Variants in FAM234A observed in about 807,000 individuals in gnomAD.
FAM234A encodes protein FAM234A.
In FAM234A, 42 loss-of-function variants were observed where a neutral mutation model predicts 49.1. That is an observed-to-expected ratio of 0.86 (90% confidence interval 0.67 to 1.11). The LOEUF (loss-of-function observed/expected upper bound fraction) is 1.11, where lower values mean the gene tolerates loss of function less well. Ranked by LOEUF, FAM234A falls within the 50% of genes least tolerant of loss-of-function variation. The pLI is 0.00. For missense variants in FAM234A, 815 were observed against 745.2 expected (o/e 1.09, Z -1.09); for synonymous variants, 369 against 316.2 (o/e 1.17, Z -1.77).
Position 245,088 on chromosome 16 carries a change from G to C in FAM234A, c.-139-4461G>C, listed in dbSNP as rs535826854. On this transcript the variant is annotated intron_variant, in intron 1 of 12. Coordinates refer to ENST00000399932, the MANE Select transcript of FAM234A (RefSeq NM_032039.4). Reference sequence around the variant, plus strand: ...TTTAAAATGCTTAACTTTTAGGCTGGGCGTGGCCCACACTTTGGGAGGCTG... The same window carrying C: ...TTTAAAATGCTTAACTTTTAGGCTGCGCGTGGCCCACACTTTGGGAGGCTG... Among the ~76,000 whole-genome samples the C allele has an allele frequency of 4.6e-5, 7 of 152,108 alleles. No homozygotes were observed. In the East Asian group the frequency reaches 1.4e-3, roughly 30 times the overall value.
intron 1 of FAM234A, among the ~76,000 whole-genome samples, chr16:235,875 C>G (rs553279052): frequency 6.6e-6 from 1 of 152,022 alleles, no homozygotes; most frequent in Non-Finnish European, 1.5e-5. Flanking sequence ...CTTGCTGGGC[C>G]GGCGCGGTGG....
intron 2 of FAM234A, among the ~76,000 whole-genome samples, chr16:252,536 G>A (rs531584929): frequency 3.9e-5 from 6 of 152,212 alleles, no homozygotes; most frequent in Admixed American, 3.9e-4. Flanking sequence ...ACTTGCTGGA[G>A]AGTATGGTAG....
intron 1 of FAM234A, among the ~76,000 whole-genome samples, chr16:237,844 C>A (rs1180038890): frequency 6.6e-6 from 1 of 151,320 alleles, no homozygotes; most frequent in South Asian, 2.1e-4. Context: ...GCTGGGACTA[C>A]AAGCACGTAC....
intron 1 of FAM234A, among the ~76,000 whole-genome samples, chr16:240,846 G>T (rs2050588426): frequency 6.6e-6 from 1 of 152,008 alleles, no homozygotes; most frequent in Non-Finnish European, 1.5e-5. Flanking sequence ...TTCAGTTTCT[G>T]TTTCTAACTG....
At chr16:241,064 C>T (rs553729539) in intron 1 of FAM234A, among the ~76,000 whole-genome samples, 1 of 152,100 alleles carries the variant, frequency 6.6e-6, no homozygotes, top group East Asian at 1.9e-4. Context: ...GGACTAGAGG[C>T]ACATACCACC....
chr16:242,524 G>A (rs191220570), intron 1 of FAM234A, among the ~76,000 whole-genome samples: 3 of 151,822 alleles, frequency 2.0e-5, no homozygotes, highest in Admixed American at 2.0e-4. Flanking sequence ...TGATAGTTCT[G>A]TAGGCCAGGG....
Position 238,542 on chromosome 16 carries a change from A to G in FAM234A, c.-140+3685A>G, listed in dbSNP as rs187651195. ...AGCCCTTTGGGAGGCCAAGGGGGGC[A>G]GATCATGAGGTCAGGAGATCGAGAC... On this transcript the variant is annotated intron_variant, in intron 1 of 12. Transcript: ENST00000399932. Among the ~76,000 whole-genome samples, 1,445 of 151,896 alleles carry G rather than the reference A, an allele frequency of 9.5e-3. 23 individuals are homozygous for G. The highest frequency in any genetic ancestry group is 0.032 in the African/African-American group (1,342 of 41,440).
At chr16:243,350 A>C (rs1473464263) in intron 1 of FAM234A, among the ~76,000 whole-genome samples, 1 of 149,572 alleles carries the variant, frequency 6.7e-6, no homozygotes, top group Non-Finnish European at 1.5e-5. Context: ...ACATGGCCTG[A>C]CTCTCTGTGG....
chr16:265,333 C>G lies in FAM234A; in HGVS notation c.*311C>G. 1.7e-6 allele frequency: 2 copies of G among 1,173,842 alleles called. No homozygotes were observed. The highest frequency in any genetic ancestry group is 2.1e-6 in the Non-Finnish European group (2 of 947,048). 72.7% of individuals were successfully genotyped at this position (1,173,842 alleles called of 1,614,324 possible). On this transcript the variant is annotated 3_prime_UTR_variant, in exon 13 of 13. Transcript: ENST00000399932. ...TAGTGGTCTCCCTGGCCACCTTGGG[C>G]AGAGCTGGGTCATGCAGCACCCCAT...
downstream of FAM234A, chr16:266,130 C>T (rs549529018): frequency 6.1e-5 from 59 of 967,786 alleles, no homozygotes; most frequent in Admixed American, 1.2e-4. Flanking sequence ...AGCGTGTGTG[C>T]GTCTGCCTGT....
chr16:261,914 G>T (rs1341093636), intron 6 of FAM234A, among the ~76,000 whole-genome samples, 179 bp from the exon 7 acceptor site: 1 of 152,194 alleles, frequency 6.6e-6, no homozygotes, highest in African/African-American at 2.4e-5. Context: ...GAGCCTGTGG[G>T]CCCCTTACCC....
intron 2 of FAM234A, among the ~76,000 whole-genome samples, chr16:252,433 G>A (rs141501941): frequency 0.025 from 3,741 of 151,690 alleles, 58 homozygotes; most frequent in Middle Eastern, 0.048. Flanking sequence ...TGCCTGCCTC[G>A]GCCTCTCAAA....
chr16:268,632 G>A (rs945184384), downstream of FAM234A: 33 of 748,724 alleles, frequency 4.4e-5, no homozygotes, highest in East Asian at 4.0e-4. Flanking sequence ...GGGGGAGGCC[G>A]CGGCCTCGAG....
At chr16:238,318 C>A (rs150890693) in intron 1 of FAM234A, among the ~76,000 whole-genome samples, 135 of 152,218 alleles carry the variant, frequency 8.9e-4, no homozygotes, top group Non-Finnish European at 1.7e-3. Context: ...CGCCCCCGCC[C>A]CTGTCCGAAC....
chr16:268,750 C>G (rs535851149), downstream of FAM234A: 6 of 1,545,698 alleles, frequency 3.9e-6, no homozygotes, highest in Non-Finnish European at 4.4e-6. Context: ...AGCCTCAGCA[C>G]GGCACTCTCT....
In FAM234A at chr16:266,060, A is replaced by C; in HGVS notation, c.*1038A>C. On this transcript the variant is annotated 3_prime_UTR_variant, in exon 13 of 13. Coordinates refer to ENST00000399932, the MANE Select transcript of FAM234A (RefSeq NM_032039.4). ...AGCCTGATGACCCACCCACCAAGGA[A>C]GAAAGCAGAATAAACATTTTTGCAC... The C allele has an allele frequency of 7.1e-6, 7 of 986,070 alleles. No individual in the cohort carries two copies. Among genetic ancestry groups the C allele is most frequent in the Non-Finnish European group, 8.4e-6 (7 of 830,116 alleles). 61.1% of individuals were successfully genotyped at this position (986,070 alleles called of 1,614,324 possible).
intron 7 of FAM234A, 91 bp downstream of exon 7, chr16:262,316 G>C: frequency 2.5e-6 from 4 of 1,571,978 alleles, no homozygotes; most frequent in Non-Finnish European, 3.5e-6. Flanking sequence ...CTCTCGAGGT[G>C]CTGGAGTCAG....
At chr16:244,255 A>T (rs185131969) in intron 1 of FAM234A, among the ~76,000 whole-genome samples, 1 of 152,232 alleles carries the variant, frequency 6.6e-6, no homozygotes, top group Admixed American at 6.5e-5. Flanking sequence ...GGCGTGAGCC[A>T]CCGCGCCCGG....
At chr16:260,320 G>A in intron 5 of FAM234A, 160 bp downstream of exon 5, 2 of 681,962 alleles carry the variant, frequency 2.9e-6, no homozygotes, top group Non-Finnish European at 5.1e-6. Flanking sequence ...AAGTGAGGCT[G>A]CAAGCGTGTG....
Sources: allele counts gnomAD v4.1 joint callset (sites outside exome capture counted in the v4.1 genomes callset), GRCh38; gene constraint gnomAD v4.1.1; transcripts MANE v1.5; gene names NCBI Gene and HGNC (gene_info 2026-07-23, HGNC 2026-07-21).